The following SCAI variants were observed in gnomAD, a reference collection of about 807,000 sequenced individuals.
SCAI encodes suppressor of cancer cell invasion.
SCAI carries 24 observed loss-of-function variants against 92.2 expected under a neutral mutation model. The ratio of observed to expected loss-of-function variants is 0.26; its 90% CI spans 0.19 to 0.37. The LOEUF (loss-of-function observed/expected upper bound fraction) is 0.37. Among genes scored for constraint, SCAI ranks in the 10% least tolerant of loss-of-function variants. The pLI, the probability that SCAI is intolerant of heterozygous loss-of-function variation, is 1.00. For missense variants in SCAI, 450 were observed against 736.2 expected, an observed-to-expected ratio of 0.61 and a Z score of 4.50; for synonymous variants, 261 against 258.6, an observed-to-expected ratio of 1.01 and a Z score of -0.09.
rs542242718 is a variant in SCAI at position 125,108,249 on chromosome 9, G to T, written c.98+34384C>A. The stretch of plus-strand genomic sequence containing the variant: ...CCGAGATTGCAGCCTCTGCCCAGCC[G>T]CCACCCCGTCTGGGAAGTGAGGAGC... On this transcript the variant is annotated intron_variant, in intron 2 of 17. Transcript: ENST00000336505. 8.0e-3 allele frequency among the ~76,000 whole-genome samples: 1,213 copies of T among 151,712 alleles called. 7 individuals are homozygous for T. Among genetic ancestry groups the T allele is most frequent in the African/African-American group, 0.027 (1,136 of 41,402 alleles).
intron 13 of SCAI, 31 bp from the exon 14 acceptor site, chr9:124,995,046 C>T (rs370953026): frequency 2.7e-6 from 4 of 1,489,800 alleles, no homozygotes; most frequent in Non-Finnish European, 3.7e-6. Context: ...AACTGTTAAA[C>T]TGTGTCAGCC....
Position 125,020,744 on chromosome 9 carries a change from G to T in SCAI, c.538C>A (p.Arg180=). 1 of 1,504,382 alleles carries T rather than the reference G, an allele frequency of 6.6e-7. No individual in the cohort carries two copies. Among genetic ancestry groups the T allele is most frequent in the South Asian group, 1.2e-5 (1 of 82,356 alleles). The allele number at this position is 1,504,382 out of a possible 1,614,324, so 93.2% of individuals were successfully genotyped here. The change falls in exon 7 of 18, where the codon CGA becomes AGA. Residue 180 remains arginine, a synonymous_variant. Transcript: ENST00000336505. The part of the protein sequence containing the change: ...DRPELVVKKL[R]YYARFIVVCL... ...ACTACTATAAATCTTGCATAATATC[G>T]TAACTTCTTAACTACCAATTCAGGT...
chr9:125,029,755 A>C lies in SCAI; in HGVS notation c.231-16T>G, dbSNP rs751735510. On this transcript the variant is annotated splice_polypyrimidine_tract_variant and intron_variant, in intron 3 of 17. Coordinates refer to ENST00000336505, the MANE Select transcript of SCAI (RefSeq NM_001144877.3). ...TGGCAAATCTCTGTAATAGTAAATGAGTATGTATTAATATTAAACTTCTTA... is the reference window on the plus strand; with the variant it reads ...TGGCAAATCTCTGTAATAGTAAATGCGTATGTATTAATATTAAACTTCTTA... The C allele has an allele frequency of 6.9e-7, 1 of 1,441,238 alleles. No homozygotes were observed. The highest frequency in any genetic ancestry group is 1.2e-5 in the South Asian group (1 of 83,328). 89.3% of individuals were successfully genotyped at this position (1,441,238 alleles called of 1,614,324 possible). A position where few individuals can be genotyped will look rare whatever the true frequency, so the allele number is the denominator to read the frequency against.
chr9:124,980,335 C>T (rs967542193), intron 14 of SCAI, among the ~76,000 whole-genome samples: 12 of 150,974 alleles, frequency 7.9e-5, no homozygotes, highest in Non-Finnish European at 1.5e-4. Flanking sequence ...CCCAATAATA[C>T]TGTGCAGAGA....
intron 2 of SCAI, among the ~76,000 whole-genome samples, chr9:125,120,229 A>G (rs1835131581): frequency 6.6e-6 from 1 of 152,232 alleles, no homozygotes; most frequent in Non-Finnish European, 1.5e-5. Context: ...AGAATATACC[A>G]AAGTTGACTT....
At chr9:124,988,651 T>A (rs1832046944) in intron 14 of SCAI, among the ~76,000 whole-genome samples, 1 of 151,898 alleles carries the variant, frequency 6.6e-6, no homozygotes, top group Non-Finnish European at 1.5e-5. Context: ...AGAAAAAATG[T>A]ATTAAAGAGC....
chr9:125,029,567 A>G, intron 4 of SCAI, 77 bp downstream of exon 4: 1 of 730,110 alleles, frequency 1.4e-6, no homozygotes, highest in Non-Finnish European at 2.2e-6. Flanking sequence ...GACAAAAAGC[A>G]CTGAAGTAGT....
chr9:124,963,095 A>G (rs781199774), intron 17 of SCAI, among the ~76,000 whole-genome samples: 2 of 148,098 alleles, frequency 1.4e-5, no homozygotes, highest in Non-Finnish European at 3.0e-5. Context: ...CACCACACCC[A>G]GCCTATATAC....
chr9:125,102,886 C>T (rs1189260914), intron 2 of SCAI, among the ~76,000 whole-genome samples: 1 of 152,134 alleles, frequency 6.6e-6, no homozygotes, highest in Admixed American at 6.5e-5. Context: ...GCGTGAGGCA[C>T]CGCGCCCAGC....
At chr9:125,109,651 A>AC (rs1834891849) in intron 2 of SCAI, among the ~76,000 whole-genome samples, 5 of 127,154 alleles carry the variant, frequency 3.9e-5, no homozygotes, top group Non-Finnish European at 8.4e-5. Flanking sequence ...CAAGGTTTCC[A>AC]TTTATCTATC....
At chr9:125,078,523 T>C (rs1834142924) in intron 2 of SCAI, among the ~76,000 whole-genome samples, 1 of 152,086 alleles carries the variant, frequency 6.6e-6, no homozygotes. Flanking sequence ...AGTGAAACTC[T>C]ATCTCAAAAA....
At chr9:125,136,563 C>T (rs548856256) in intron 2 of SCAI, among the ~76,000 whole-genome samples, 3 of 143,596 alleles carry the variant, frequency 2.1e-5, no homozygotes, top group African/African-American at 5.2e-5. Context: ...CAGGTTGAAG[C>T]GATTCTCCCG....
intron 3 of SCAI, among the ~76,000 whole-genome samples, chr9:125,032,702 C>A (rs1485876358): frequency 6.6e-6 from 1 of 151,722 alleles, no homozygotes; most frequent in African/African-American, 2.4e-5. Flanking sequence ...CAACCTCCGC[C>A]TCCTGGGTTC....
chr9:125,134,268 G>C (rs1036241672), intron 2 of SCAI, among the ~76,000 whole-genome samples: 2 of 152,136 alleles, frequency 1.3e-5, no homozygotes, highest in African/African-American at 2.4e-5. Context: ...TAAACCCTTT[G>C]TATGTACTGT....
At chr9:125,061,099 C>T (rs1424175753) in intron 2 of SCAI, among the ~76,000 whole-genome samples, 1 of 151,652 alleles carries the variant, frequency 6.6e-6, no homozygotes, top group Non-Finnish European at 1.5e-5. Flanking sequence ...AGATCGAGAC[C>T]ATCGTGGCTA....
At chr9:125,117,561 G>A (rs1027431597) in intron 2 of SCAI, among the ~76,000 whole-genome samples, 3 of 150,910 alleles carry the variant, frequency 2.0e-5, no homozygotes, top group Non-Finnish European at 4.4e-5. Context: ...AGCTACTCAG[G>A]AGGGTGAGAC....
In SCAI at chr9:124,945,370, AC is replaced by A. The variant is rs1230044375; in HGVS notation, c.*7436del. 2 of 152,142 alleles carry A rather than the reference AC, an allele frequency of 1.3e-5. No individual in the cohort carries two copies. The highest frequency in any genetic ancestry group is 2.9e-5 in the Non-Finnish European group (2 of 68,034). 9.4% of individuals were successfully genotyped at this position (152,142 alleles called of 1,614,324 possible). A position where few individuals can be genotyped will look rare whatever the true frequency, so the allele number is the denominator to read the frequency against. On this transcript the variant is annotated 3_prime_UTR_variant, in exon 18 of 18. Transcript: ENST00000336505. ...CAGGAGTTCGAGACCAACCTGGCCA[AC>A]ATGGTGAAACCCCATCTCTACTAAA...
intron 7 of SCAI, 34 bp downstream of exon 7, chr9:125,020,639 A>G (rs756638324): frequency 2.2e-6 from 2 of 920,208 alleles, no homozygotes; most frequent in Non-Finnish European, 3.4e-6. Context: ...ATACAACTAG[A>G]GATTAGAATT....
In SCAI at chr9:125,020,594, C is replaced by T. The variant is rs1832852080; in HGVS notation, c.609+79G>A. On this transcript the variant is annotated intron_variant, in intron 7 of 17. Coordinates refer to ENST00000336505, the MANE Select transcript of SCAI (RefSeq NM_001144877.3). The stretch of plus-strand genomic sequence containing the variant: ...TATTGATATATCAAAATTATTTTAA[C>T]CTAAAATCTGTTTTTTAAAAATAAG... The T allele has an allele frequency of 4.7e-6, 3 of 632,108 alleles. No individual in the cohort carries two copies. In the South Asian group the frequency reaches 6.5e-5, roughly 14 times the overall value. The allele number at this position is 632,108 out of a possible 1,614,324, so 39.2% of individuals were successfully genotyped here.
Sources: allele counts gnomAD v4.1 joint callset (sites outside exome capture counted in the v4.1 genomes callset), GRCh38; gene constraint gnomAD v4.1.1; transcripts MANE v1.5; gene names NCBI Gene and HGNC (gene_info 2026-07-23, HGNC 2026-07-21).